The following PUDP variants were observed in gnomAD, a reference collection of about 807,000 sequenced individuals.
PUDP encodes pseudouridine-5'-phosphatase.
Under a neutral mutation model 9.4 loss-of-function variants are expected in PUDP, and 8 were observed. The observed-to-expected ratio is 0.85, with a 90% confidence interval of 0.50 to 1.53. The LOEUF is 1.53. Ranked by LOEUF, PUDP falls within the 40% of genes most tolerant of loss-of-function variation. The probability of loss-of-function intolerance (pLI) is 0.00; values close to 1 mark genes in which losing one functional copy is unlikely to be tolerated. For missense variants in PUDP, 188 were observed against 189.7 expected (o/e 0.99, Z 0.05); for synonymous variants, 99 against 80.7 (o/e 1.23, Z -1.22).
chrX:7,128,156 C>T (rs910690388), intron 1 of PUDP, among the ~76,000 whole-genome samples: 1 of 110,990 alleles, frequency 9.0e-6, no homozygotes, highest in Non-Finnish European at 1.9e-5. Flanking sequence ...ATTCTCATGC[C>T]TCAGCCTCCC....
chrX:7,094,686 G>T (rs1931524192), intron 2 of PUDP, among the ~76,000 whole-genome samples: 1 of 111,516 alleles, frequency 9.0e-6, no homozygotes, highest in Non-Finnish European at 1.9e-5. Flanking sequence ...AAAGGAAAAG[G>T]GGGGTAAGAA....
chrX:7,100,826 A>G (rs1931707430), intron 2 of PUDP, among the ~76,000 whole-genome samples: 1 of 112,269 alleles, frequency 8.9e-6, no homozygotes, highest in Non-Finnish European at 1.9e-5. Flanking sequence ...CTAAGGAAGA[A>G]CACATTTCTG....
chrX:6,775,901 A>T (rs1422875804), intron 3 of PUDP, among the ~76,000 whole-genome samples: 1 of 111,505 alleles, frequency 9.0e-6, no homozygotes, highest in Non-Finnish European at 1.9e-5. Context: ...CAGAACTGTG[A>T]GATGGAAATG....
At chrX:6,972,674 T>C (rs952598734) in intron 3 of PUDP, among the ~76,000 whole-genome samples, 1 of 112,031 alleles carries the variant, frequency 8.9e-6, no homozygotes, top group African/African-American at 3.2e-5. Flanking sequence ...TTTTCTTTTT[T>C]AGTTGTGTCT....
At chrX:6,932,209 A>T (rs1245196836) in intron 3 of PUDP, among the ~76,000 whole-genome samples, 1 of 111,219 alleles carries the variant, frequency 9.0e-6, no homozygotes, top group Admixed American at 9.6e-5. Flanking sequence ...TGGCAGGCAG[A>T]TGACTTGATA....
intron 3 of PUDP, among the ~76,000 whole-genome samples, chrX:7,051,514 TA>T (rs916409601): frequency 1.2e-4 from 13 of 111,170 alleles, no homozygotes; most frequent in African/African-American, 3.9e-4. Flanking sequence ...ACCTGTACCC[TA>T]CAGACTATTA....
chrX:7,068,466 A>T (rs1364117664), intron 3 of PUDP, among the ~76,000 whole-genome samples: 1 of 111,329 alleles, frequency 9.0e-6, no homozygotes, highest in African/African-American at 3.3e-5. Flanking sequence ...ACAGGGGAGG[A>T]GTCTGTGTTC....
intron 2 of PUDP, among the ~76,000 whole-genome samples, chrX:7,083,688 G>A (rs1160905527): frequency 9.0e-6 from 1 of 110,626 alleles, no homozygotes; most frequent in Non-Finnish European, 1.9e-5. Context: ...ATTACTTGAG[G>A]TCAGGAGTTG....
At chrX:6,906,436 C>A (rs1927768451) in intron 3 of PUDP, among the ~76,000 whole-genome samples, 1 of 112,265 alleles carries the variant, frequency 8.9e-6, no homozygotes, top group African/African-American at 3.2e-5. Flanking sequence ...ACCGTGTTTG[C>A]ACTGAAAATT....
intron 3 of PUDP, among the ~76,000 whole-genome samples, chrX:6,877,816 T>G (rs1466431579): frequency 8.9e-6 from 1 of 111,782 alleles, no homozygotes; most frequent in Non-Finnish European, 1.9e-5. Flanking sequence ...CTCAAGATCC[T>G]GGGCTTGGAC....
intron 1 of PUDP, among the ~76,000 whole-genome samples, chrX:7,131,044 C>T (rs193165453): frequency 6.0e-4 from 67 of 111,960 alleles, no homozygotes; most frequent in African/African-American, 2.1e-3. Context: ...TGGTTGTTTC[C>T]ATCAATGCTG....
chrX:7,102,596 A>G (rs1009243478), intron 2 of PUDP, among the ~76,000 whole-genome samples: 60 of 110,905 alleles, frequency 5.4e-4, no homozygotes, highest in Non-Finnish European at 1.0e-3. Flanking sequence ...TTAGGCAAGA[A>G]AACACAACAA....
At chrX:6,828,759 C>T (rs1413157437) in intron 3 of PUDP, among the ~76,000 whole-genome samples, 1 of 111,644 alleles carries the variant, frequency 9.0e-6, no homozygotes, top group Admixed American at 9.5e-5. Flanking sequence ...TTTGCCCTGT[C>T]CAAAGTGTCA....
chrX:6,789,535 T>G (rs116251168), intron 3 of PUDP, among the ~76,000 whole-genome samples: 1,742 of 110,213 alleles, frequency 0.016, 39 homozygotes, highest in African/African-American at 0.054. Flanking sequence ...GTCTGCAGTG[T>G]GAACAAATAA....
intron 3 of PUDP, among the ~76,000 whole-genome samples, chrX:6,846,221 G>A (rs765077552): frequency 3.6e-5 from 4 of 109,970 alleles, no homozygotes; most frequent in Admixed American, 2.9e-4. Context: ...TGGCTAACAC[G>A]GTGAAACCCC....
intron 3 of PUDP, among the ~76,000 whole-genome samples, chrX:7,066,924 A>C: frequency 8.9e-6 from 1 of 112,049 alleles, no homozygotes; most frequent in Non-Finnish European, 1.9e-5. Flanking sequence ...CACAGTGCTG[A>C]TTAAATGAAG....
At chrX:6,748,607 A>G (rs1176822484) in intron 3 of PUDP, among the ~76,000 whole-genome samples, 1 of 111,541 alleles carries the variant, frequency 9.0e-6, no homozygotes, top group Non-Finnish European at 1.9e-5. Context: ...AAATTAAGAC[A>G]ATCCCTTAAA....
chrX:6,718,902 C>T (rs1205443293), intron 1 of PUDP, among the ~76,000 whole-genome samples: 1 of 111,336 alleles, frequency 9.0e-6, no homozygotes, highest in Non-Finnish European at 1.9e-5. Context: ...AGAGCAACCG[C>T]TAGCTGACAG....
chrX:6,941,936 A>T (rs1262526293), intron 3 of PUDP, among the ~76,000 whole-genome samples: 9 of 112,037 alleles, frequency 8.0e-5, no homozygotes, highest in Non-Finnish European at 1.1e-4. Context: ...ATCTTACGTG[A>T]AACAACTCAG....
Sources: gnomAD v4.1 joint callset for allele counts (sites outside exome capture counted in the v4.1 genomes callset) on GRCh38, gnomAD v4.1.1 for gene constraint, MANE v1.5 for transcripts, NCBI Gene and HGNC (gene_info 2026-07-23, HGNC 2026-07-21) for gene names.